The following NRCAM variants were observed in gnomAD, a reference collection of about 807,000 sequenced individuals.
The protein encoded by NRCAM is neuronal cell adhesion molecule.
A neutral mutation model predicts 156.5 loss-of-function variants in NRCAM; 83 were observed. The ratio of observed to expected loss-of-function variants is 0.53; its 90% CI spans 0.44 to 0.64. NRCAM has a LOEUF of 0.64. Ranked by LOEUF, NRCAM falls within the 30% of genes least tolerant of loss-of-function variation. The probability of loss-of-function intolerance (pLI) is 0.00; values close to 1 mark genes in which losing one functional copy is unlikely to be tolerated. For missense variants in NRCAM, 1,417 were observed against 1,597.3 expected (o/e 0.89, Z 1.92); for synonymous variants, 538 against 563.9 (o/e 0.95, Z 0.65).
intron 14 of NRCAM, among the ~76,000 whole-genome samples, chr7:108,196,690 G>A (rs950729913): frequency 2.0e-5 from 3 of 152,152 alleles, no homozygotes; most frequent in Admixed American, 2.0e-4. Context: ...CTAAGTGTTG[G>A]CAAGAATGTA....
chr7:108,372,916 C>G (rs769585697), intron 2 of NRCAM, among the ~76,000 whole-genome samples: 1 of 152,062 alleles, frequency 6.6e-6, no homozygotes, highest in Admixed American at 6.6e-5. Context: ...TCTTGCAGCA[C>G]TAATCACAAT....
intron 2 of NRCAM, among the ~76,000 whole-genome samples, chr7:108,333,962 G>A (rs559236965): frequency 7.2e-5 from 11 of 152,156 alleles, no homozygotes; most frequent in Admixed American, 2.6e-4. Context: ...GTGTGTGTCC[G>A]TAATTTCAAC....
intron 1 of NRCAM, among the ~76,000 whole-genome samples, chr7:108,443,062 A>G (rs543805204): frequency 3.3e-5 from 5 of 152,350 alleles, no homozygotes; most frequent in African/African-American, 1.2e-4. Context: ...CAAATGGTCC[A>G]TGTATTAAAA....
intron 2 of NRCAM, among the ~76,000 whole-genome samples, chr7:108,352,656 G>C (rs565524982): frequency 6.6e-6 from 1 of 152,070 alleles, no homozygotes; most frequent in Non-Finnish European, 1.5e-5. Context: ...TGTTTTACTT[G>C]ACAAATATCA....
In NRCAM at chr7:108,449,905, ATT is replaced by A. The variant is rs35011471; in HGVS notation, c.-332+6336_-332+6337del. 2.0e-5 allele frequency among the ~76,000 whole-genome samples: 3 copies of A among 148,258 alleles called. No homozygotes were observed. The East Asian group carries it at 5.9e-4, about 29-fold the overall frequency. ...TTCCCTCAGATTGCCCTAGAAATAG[ATT>A]TTTTTTTTTTCTGGTTACAGTGGGT... On this transcript the variant is annotated intron_variant, in intron 1 of 32. Transcript: ENST00000379028.
At chr7:108,181,562 A>G (rs1480005912) in intron 24 of NRCAM, among the ~76,000 whole-genome samples, 1 of 152,132 alleles carries the variant, frequency 6.6e-6, no homozygotes, top group Non-Finnish European at 1.5e-5. Flanking sequence ...CCCATTTTGT[A>G]TACATACTTA....
chr7:108,239,085 G>T (rs1234387188), intron 4 of NRCAM, among the ~76,000 whole-genome samples: 1 of 152,130 alleles, frequency 6.6e-6, no homozygotes, highest in East Asian at 1.9e-4. Context: ...GAGGGATAAA[G>T]GAGAAATCGA....
intron 2 of NRCAM, among the ~76,000 whole-genome samples, chr7:108,325,153 G>C (rs1408858729): frequency 6.6e-6 from 1 of 151,542 alleles, no homozygotes; most frequent in African/African-American, 2.4e-5. Context: ...AGCTAACCTA[G>C]AAAAAAAATT....
intron 12 of NRCAM, 82 bp downstream of exon 12, chr7:108,209,339 T>TA: frequency 1.0e-6 from 1 of 962,958 alleles, no homozygotes; most frequent in Non-Finnish European, 1.5e-6. Flanking sequence ...TTACCATTAC[T>TA]AAAAATGTAA....
chr7:108,192,029 G>A (rs2072070011), intron 17 of NRCAM, among the ~76,000 whole-genome samples, 176 bp from the exon 18 acceptor site: 1 of 152,212 alleles, frequency 6.6e-6, no homozygotes, highest in African/African-American at 2.4e-5. Flanking sequence ...AAAACAATGA[G>A]AATCAATTAG....
intron 3 of NRCAM, among the ~76,000 whole-genome samples, chr7:108,266,198 G>C (rs749279893): frequency 1.4e-4 from 22 of 152,192 alleles, no homozygotes; most frequent in Admixed American, 4.6e-4. Flanking sequence ...AAAGCAGTGA[G>C]ATAACAGATA....
At chr7:108,239,844 G>T (rs1233712833) in intron 4 of NRCAM, 115 bp downstream of exon 4, 10 of 609,700 alleles carry the variant, frequency 1.6e-5, no homozygotes, top group Non-Finnish European at 2.6e-5. Context: ...AATTAATTTT[G>T]ATTAGCTTTT....
chr7:108,399,921 T>C lies in NRCAM; in HGVS notation c.-331-328A>G, dbSNP rs1442061980. ...AAGAAAAAAAAGGCACTTGATCTTA[T>C]TCTACTCTGATGCTTCATGGGAATA... On this transcript the variant is annotated intron_variant, in intron 1 of 32. Coordinates refer to ENST00000379028, the MANE Select transcript of NRCAM (RefSeq NM_001037132.4). Among the ~76,000 whole-genome samples the C allele has an allele frequency of 2.0e-5, 3 of 152,238 alleles. No individual in the cohort carries two copies. In the East Asian group the frequency reaches 5.8e-4, roughly 29 times the overall value.
intron 3 of NRCAM, among the ~76,000 whole-genome samples, chr7:108,310,052 G>C (rs890801389): frequency 6.6e-6 from 1 of 151,980 alleles, no homozygotes. Context: ...TTAACAACTC[G>C]GTATTGTAAA....
intron 25 of NRCAM, chr7:108,178,482 C>T: frequency 2.9e-6 from 1 of 339,820 alleles, no homozygotes; most frequent in Non-Finnish European, 5.7e-6. Flanking sequence ...TGAGTGGAAG[C>T]AGCTGTGTTC....
At chr7:108,216,485 T>C (rs2088992084) in intron 11 of NRCAM, among the ~76,000 whole-genome samples, 2 of 152,240 alleles carry the variant, frequency 1.3e-5, no homozygotes, top group Non-Finnish European at 2.9e-5. Flanking sequence ...GAAGTTCTCC[T>C]GGATAATATC....
rs557737326 is a variant in NRCAM at position 108,227,381 on chromosome 7, A to G, written c.551-1003T>C. Among the ~76,000 whole-genome samples the G allele has an allele frequency of 5.9e-5, 9 of 152,322 alleles. No individual in the cohort carries two copies. In the East Asian group the frequency reaches 1.7e-3, roughly 29 times the overall value. On this transcript the variant is annotated intron_variant, in intron 8 of 32. Transcript: ENST00000379028. The stretch of plus-strand genomic sequence containing the variant: ...TTGTGGGGTACAATGTGATATTTCA[A>G]TACACATATACATTGTGTAATGATC...
chr7:108,156,861 A>T (rs2045802075), intron 32 of NRCAM, among the ~76,000 whole-genome samples: 1 of 152,190 alleles, frequency 6.6e-6, no homozygotes, highest in Non-Finnish European at 1.5e-5. Context: ...ATTAAAAATA[A>T]AAGATTCTGT....
At chr7:108,211,804 G>A (rs2084646446) in intron 11 of NRCAM, among the ~76,000 whole-genome samples, 1 of 151,930 alleles carries the variant, frequency 6.6e-6, no homozygotes, top group Non-Finnish European at 1.5e-5. Context: ...CCACCTGAGG[G>A]GCCTTCTCTA....
Sources: gnomAD v4.1 joint callset for allele counts (sites outside exome capture counted in the v4.1 genomes callset) on GRCh38, gnomAD v4.1.1 for gene constraint, MANE v1.5 for transcripts, NCBI Gene and HGNC (gene_info 2026-07-23, HGNC 2026-07-21) for gene names.